Variants in FRK observed in about 807,000 individuals in gnomAD.
FRK encodes fyn related Src family tyrosine kinase.
In FRK, 51 loss-of-function variants were observed where a neutral mutation model predicts 56.4. The ratio of observed to expected loss-of-function variants is 0.90; its 90% CI spans 0.72 to 1.14. The LOEUF (loss-of-function observed/expected upper bound fraction) is 1.14, where lower values mean the gene tolerates loss of function less well. Among genes scored for constraint, FRK ranks in the 50% most tolerant of loss-of-function variants. FRK has a pLI of 0.00. For missense variants in FRK, 570 were observed against 601.4 expected (o/e 0.95, Z 0.55); for synonymous variants, 245 against 217.9 (o/e 1.12, Z -1.10).
intron 1 of FRK, among the ~76,000 whole-genome samples, chr6:116,050,013 T>C (rs112596759): frequency 2.0e-5 from 3 of 152,292 alleles, no homozygotes; most frequent in African/African-American, 7.2e-5. Context: ...TTGAACATTG[T>C]TTTTTACATG....
chr6:116,047,775 G>A lies in FRK; in HGVS notation c.344+12193C>T, dbSNP rs1289882963. 5.3e-5 allele frequency among the ~76,000 whole-genome samples: 8 copies of A among 152,198 alleles called. No homozygotes were observed. The South Asian group carries it at 1.0e-3, about 20-fold the overall frequency. On this transcript the variant is annotated intron_variant, in intron 1 of 7. Transcript: ENST00000606080. ...CACTTCCTCCTGGAGGTTAGCTTAG[G>A]ATTTTTATGGCAGTTGCAGGACTCC...
intron 2 of FRK, among the ~76,000 whole-genome samples, chr6:115,986,598 T>C (rs1167682582): frequency 2.0e-5 from 3 of 152,300 alleles, no homozygotes; most frequent in East Asian, 1.9e-4. Context: ...CCTTCAGTTA[T>C]GAAAACAGTG....
chr6:116,020,771 C>A (rs948689117), intron 1 of FRK, among the ~76,000 whole-genome samples: 25 of 152,276 alleles, frequency 1.6e-4, no homozygotes, highest in Non-Finnish European at 3.2e-4. Context: ...AGTTTCCATA[C>A]ATGTGCTTAT....
At position 115,935,968 on chromosome 6, in the gene FRK, C is replaced by T. The variant is rs1772037827; in HGVS notation, c.*6446G>A. On this transcript the variant is annotated 3_prime_UTR_variant, in exon 8 of 8. Coordinates refer to ENST00000606080, the MANE Select transcript of FRK (RefSeq NM_002031.3). ...CAGCTCTGAAGAGAGTAGTGGATTT[C>T]CCAGCACAGTGCTCGAGCTCTGGTA... is the stretch of plus-strand genomic sequence containing the variant. The T allele has an allele frequency of 6.6e-6, 1 of 152,568 alleles. No individual in the cohort carries two copies. The highest frequency in any genetic ancestry group is 2.1e-4 in the South Asian group (1 of 4,834). The allele number at this position is 152,568 out of a possible 1,614,324, so 9.5% of individuals were successfully genotyped here.
chr6:115,990,745 T>G (rs116853409), intron 2 of FRK, among the ~76,000 whole-genome samples: 1 of 152,026 alleles, frequency 6.6e-6, no homozygotes, highest in Non-Finnish European at 1.5e-5. Flanking sequence ...AGGATTGCTT[T>G]GGCTATTTGT....
At chr6:116,009,950 G>T (rs530608615) in intron 1 of FRK, among the ~76,000 whole-genome samples, 2 of 152,194 alleles carry the variant, frequency 1.3e-5, no homozygotes, top group Non-Finnish European at 2.9e-5. Context: ...CAAACTGGCC[G>T]GGCATGGTGG....
the FRK span, among the ~76,000 whole-genome samples, chr6:116,077,319 A>G: frequency 9.9e-5 from 15 of 152,234 alleles, no homozygotes; most frequent in African/African-American, 3.6e-4. Context: ...AATATTTCAC[A>G]TAGGGCTTAG....
At chr6:116,068,226 A>C in the FRK span, among the ~76,000 whole-genome samples, 4 of 152,176 alleles carry the variant, frequency 2.6e-5, no homozygotes, top group Non-Finnish European at 5.9e-5. Flanking sequence ...GATGGCCTTT[A>C]ATATTTGCAG....
chr6:115,972,199 T>A (rs1437636341), intron 2 of FRK, among the ~76,000 whole-genome samples: 1 of 152,130 alleles, frequency 6.6e-6, no homozygotes, highest in African/African-American at 2.4e-5. Flanking sequence ...AACCCAAAAC[T>A]CCTCCAGACT....
intron 1 of FRK, among the ~76,000 whole-genome samples, chr6:116,057,107 C>T (rs1777429604): frequency 6.6e-6 from 1 of 152,132 alleles, no homozygotes; most frequent in East Asian, 1.9e-4. Flanking sequence ...GACATAAAAA[C>T]ACAAATACTA....
intron 1 of FRK, among the ~76,000 whole-genome samples, chr6:116,018,466 A>T (rs1775736029): frequency 6.6e-6 from 1 of 152,202 alleles, no homozygotes; most frequent in African/African-American, 2.4e-5. Context: ...ACCCTGGGGT[A>T]AGGGTGAAAG....
intron 1 of FRK, among the ~76,000 whole-genome samples, chr6:116,014,057 A>T (rs1775563329): frequency 1.3e-5 from 2 of 152,134 alleles, no homozygotes; most frequent in Admixed American, 6.5e-5. Flanking sequence ...TCATTTTAAC[A>T]CTCAGTGATG....
chr6:116,055,387 C>T (rs1218212224), intron 1 of FRK, among the ~76,000 whole-genome samples: 2 of 152,132 alleles, frequency 1.3e-5, no homozygotes, highest in African/African-American at 2.4e-5. Flanking sequence ...TCAAGGAAGC[C>T]ACTGAAATGA....
chr6:116,083,372 C>G, the FRK span, among the ~76,000 whole-genome samples: 8 of 151,984 alleles, frequency 5.3e-5, no homozygotes, highest in East Asian at 1.5e-3. Flanking sequence ...AAAAAAAAAG[C>G]TTTGTTTTGT....
the FRK span, among the ~76,000 whole-genome samples, chr6:116,077,466 C>T: frequency 6.6e-6 from 1 of 152,180 alleles, no homozygotes; most frequent in African/African-American, 2.4e-5. Flanking sequence ...CCTATAGCTC[C>T]CCACCCAACT....
intron 1 of FRK, chr6:116,039,015 GC>G: frequency 1.4e-6 from 1 of 735,208 alleles, no homozygotes; most frequent in Non-Finnish European, 2.6e-6. Context: ...AGACTGCAAA[GC>G]CAATCGAGGG....
At chr6:116,025,974 T>A (rs753739259) in intron 1 of FRK, among the ~76,000 whole-genome samples, 9 of 152,128 alleles carry the variant, frequency 5.9e-5, no homozygotes, top group Non-Finnish European at 1.0e-4. Flanking sequence ...GTAATAATAG[T>A]ACATTCTTCA....
In FRK at chr6:115,941,139, GA is replaced by G; in HGVS notation, c.*1274del. ...CTGGATAAAGAAAATGTGGCACATA[GA>G]CACTATGGAATACTATGCAGCCATA... On this transcript the variant is annotated 3_prime_UTR_variant, in exon 8 of 8. Transcript: ENST00000606080. The G allele has an allele frequency of 6.6e-6, 1 of 152,122 alleles. No homozygotes were observed. The highest frequency in any genetic ancestry group is 1.5e-5 in the Non-Finnish European group (1 of 68,018). The allele number at this position is 152,122 out of a possible 1,614,324, so 9.4% of individuals were successfully genotyped here.
intron 1 of FRK, among the ~76,000 whole-genome samples, chr6:116,020,582 A>T (rs1003622878): frequency 6.6e-6 from 1 of 152,166 alleles, no homozygotes; most frequent in Non-Finnish European, 1.5e-5. Flanking sequence ...GAGCCACTGC[A>T]CTGGGCCAAT....
Sources: gnomAD v4.1 joint callset for allele counts (sites outside exome capture counted in the v4.1 genomes callset) on GRCh38, gnomAD v4.1.1 for gene constraint, MANE v1.5 for transcripts, NCBI Gene and HGNC (gene_info 2026-07-23, HGNC 2026-07-21) for gene names.